The following NHS variants were observed in gnomAD, a reference collection of about 807,000 sequenced individuals.
NHS encodes NHS actin remodeling regulator, also known as actin remodeling regulator NHS.
NHS carries 5 observed loss-of-function variants against 72.5 expected under a neutral mutation model. The ratio of observed to expected loss-of-function variants is 0.07; its 90% CI spans 0.04 to 0.14. The LOEUF is 0.14. Among genes scored for constraint, NHS ranks in the 10% least tolerant of loss-of-function variants. The pLI is 1.00. For synonymous variants in NHS, 464 were observed against 547.7 expected (o/e 0.85, Z 2.13); for missense variants, 1,072 against 1,355.7 (o/e 0.79, Z 3.29).
At chrX:17,650,698 A>G (rs1427887141) in intron 1 of NHS, among the ~76,000 whole-genome samples, 3 of 112,420 alleles carry the variant, frequency 2.7e-5, no homozygotes, top group Non-Finnish European at 5.6e-5. Context: ...TCTTGAACTG[A>G]ATTAAAACTA....
intron 1 of NHS, among the ~76,000 whole-genome samples, chrX:17,673,618 G>A (rs2066062581): frequency 9.0e-6 from 1 of 111,459 alleles, no homozygotes; most frequent in African/African-American, 3.3e-5. Flanking sequence ...TGCTCACTAA[G>A]TCATCTTCAT....
chrX:17,405,321 G>A (rs1265083836), intron 1 of NHS, among the ~76,000 whole-genome samples: 1 of 112,501 alleles, frequency 8.9e-6, no homozygotes, highest in Non-Finnish European at 1.9e-5. Flanking sequence ...CTAGCCATGA[G>A]CAGGCTTGGT....
intron 1 of NHS, among the ~76,000 whole-genome samples, chrX:17,391,394 T>A (rs1048955016): frequency 6.2e-5 from 7 of 112,251 alleles, no homozygotes; most frequent in South Asian, 3.7e-4. Context: ...TTTTATAGAG[T>A]TGTGTAGATT....
At chrX:17,380,953 A>G (rs1233533738) in intron 1 of NHS, among the ~76,000 whole-genome samples, 1 of 110,939 alleles carries the variant, frequency 9.0e-6, no homozygotes, top group Non-Finnish European at 1.9e-5. Context: ...GGGATGGGGT[A>G]TTCTTCTATA....
chrX:17,679,964 T>C (rs928615599), intron 1 of NHS, among the ~76,000 whole-genome samples: 2 of 111,523 alleles, frequency 1.8e-5, no homozygotes, highest in African/African-American at 6.5e-5. Context: ...CTTATAGTTG[T>C]TACTGGTAAA....
chrX:17,539,081 G>A (rs1363593557), intron 1 of NHS, among the ~76,000 whole-genome samples: 1 of 112,137 alleles, frequency 8.9e-6, no homozygotes, highest in African/African-American at 3.2e-5. Context: ...CTTTCTCACT[G>A]CATCCCCACT....
intron 1 of NHS, among the ~76,000 whole-genome samples, chrX:17,611,455 C>G (rs1194396633): frequency 8.9e-6 from 1 of 111,828 alleles, no homozygotes; most frequent in East Asian, 2.8e-4. Flanking sequence ...TAGCCCTCCC[C>G]CTACGGAAAC....
chrX:17,691,375 G>A (rs1039721522), intron 2 of NHS, among the ~76,000 whole-genome samples: 5 of 112,041 alleles, frequency 4.5e-5, no homozygotes, highest in Non-Finnish European at 7.5e-5. Context: ...AACAGCCTTC[G>A]GATAAACATT....
chrX:17,660,748 TG>T (rs2065978449), intron 1 of NHS, among the ~76,000 whole-genome samples: 1 of 112,076 alleles, frequency 8.9e-6, no homozygotes, highest in African/African-American at 3.3e-5. Flanking sequence ...TTTCTTAGGT[TG>T]GGCCTGTGTC....
chrX:17,547,294 G>A (rs1017800095), intron 1 of NHS, among the ~76,000 whole-genome samples: 7 of 112,616 alleles, frequency 6.2e-5, no homozygotes, highest in Non-Finnish European at 7.5e-5. Flanking sequence ...AGCAGTGGGC[G>A]CTGCTGAGCC....
At chrX:17,482,304 C>T (rs188386177) in intron 1 of NHS, among the ~76,000 whole-genome samples, 69 of 111,761 alleles carry the variant, frequency 6.2e-4, no homozygotes, top group African/African-American at 2.1e-3. Context: ...CTTGAAATGT[C>T]TCAGCAACAT....
At chrX:17,496,640 A>C (rs28673113) in intron 1 of NHS, among the ~76,000 whole-genome samples, 3,683 of 111,368 alleles carry the variant, frequency 0.033, 188 homozygotes, top group African/African-American at 0.11. Flanking sequence ...GTTTGGCAAC[A>C]AGCTGATAGA....
intron 1 of NHS, among the ~76,000 whole-genome samples, chrX:17,399,937 C>T (rs767248645): frequency 4.5e-5 from 5 of 111,875 alleles, no homozygotes; most frequent in Non-Finnish European, 7.5e-5. Flanking sequence ...TGAAGTACAT[C>T]TATGAAAGAC....
chrX:17,583,758 T>G (rs2065557731), intron 1 of NHS, among the ~76,000 whole-genome samples: 1 of 112,555 alleles, frequency 8.9e-6, no homozygotes, highest in South Asian at 3.7e-4. Flanking sequence ...TTTCCCTGTA[T>G]ACTTTCCTTT....
In NHS at chrX:17,540,850, C is replaced by T. The variant is rs181459941; in HGVS notation, c.566-146892C>T. 2.1e-3 allele frequency among the ~76,000 whole-genome samples: 237 copies of T among 111,681 alleles called. 1 individual carries two copies. The highest frequency in any genetic ancestry group is 7.4e-3 in the African/African-American group (227 of 30,729). ...ATCCCTGCACTTTGGGAGGCCAAGA[C>T]GGGTGGATCACTTGAGCCTAGGAGT... On this transcript the variant is annotated intron_variant, in intron 1 of 8. Transcript: ENST00000676302.
At chrX:17,485,699 C>T (rs758110789) in intron 1 of NHS, among the ~76,000 whole-genome samples, 2 of 111,704 alleles carry the variant, frequency 1.8e-5, no homozygotes, top group African/African-American at 3.3e-5. Flanking sequence ...GAAAAGCAGT[C>T]GGCTGTTACA....
chrX:17,670,572 T>G (rs1444914928), intron 1 of NHS, among the ~76,000 whole-genome samples: 1 of 112,525 alleles, frequency 8.9e-6, no homozygotes, highest in African/African-American at 3.2e-5. Context: ...GTAAGTGTAA[T>G]GAAATAATTA....
At chrX:17,612,502 G>A (rs942510365) in intron 1 of NHS, among the ~76,000 whole-genome samples, 1 of 110,813 alleles carries the variant, frequency 9.0e-6, no homozygotes, top group Non-Finnish European at 1.9e-5. Flanking sequence ...GGTTGCTACT[G>A]CCCTACTGCC....
At chrX:17,389,759 G>A (rs2064432537) in intron 1 of NHS, among the ~76,000 whole-genome samples, 1 of 109,216 alleles carries the variant, frequency 9.2e-6, no homozygotes, top group African/African-American at 3.4e-5. Context: ...CTGCCACCAC[G>A]CCCAGCTCAT....
Sources: gnomAD v4.1 joint callset for allele counts (sites outside exome capture counted in the v4.1 genomes callset) on GRCh38, gnomAD v4.1.1 for gene constraint, MANE v1.5 for transcripts, NCBI Gene and HGNC (gene_info 2026-07-23, HGNC 2026-07-21) for gene names.